CSMD1: variants seen among roughly 807,000 people sequenced by gnomAD.
CSMD1 encodes CUB and sushi domain-containing protein 1.
CSMD1 carries 213 observed loss-of-function variants against 417.5 expected under a neutral mutation model. That is an observed-to-expected ratio of 0.51 (90% confidence interval 0.46 to 0.57). CSMD1 has a LOEUF of 0.57. CSMD1 is among the 20% of genes least tolerant of loss of function. The pLI is 0.00. For missense variants in CSMD1, 6,923 were observed against 4,529.7 expected (o/e 1.53, Z -15.17); for synonymous variants, 2,862 against 1,736.8 (o/e 1.65, Z -16.11).
intron 3 of CSMD1, among the ~76,000 whole-genome samples, chr8:4,378,937 A>C (rs1370213685): frequency 2.0e-5 from 3 of 152,188 alleles, no homozygotes; most frequent in Non-Finnish European, 2.9e-5. Flanking sequence ...AATTGTGATA[A>C]ATTCCTATTA....
chr8:4,900,005 T>C (rs547556986), intron 1 of CSMD1, among the ~76,000 whole-genome samples: 5 of 152,296 alleles, frequency 3.3e-5, no homozygotes, highest in African/African-American at 1.2e-4. Flanking sequence ...TGTCTGTTGC[T>C]TTAATCTATT....
At chr8:4,758,686 C>G (rs1359437997) in intron 1 of CSMD1, among the ~76,000 whole-genome samples, 2 of 152,130 alleles carry the variant, frequency 1.3e-5, no homozygotes, top group South Asian at 2.1e-4. Flanking sequence ...GTGGACACAT[C>G]TTACATGGCA....
At chr8:4,230,303 A>C (rs1402903185) in intron 3 of CSMD1, among the ~76,000 whole-genome samples, 3 of 152,190 alleles carry the variant, frequency 2.0e-5, no homozygotes, top group African/African-American at 7.2e-5. Context: ...TTTAATCCTC[A>C]ATTAATCTAT....
chr8:4,105,379 G>A (rs1446251280), intron 3 of CSMD1, among the ~76,000 whole-genome samples: 1 of 151,976 alleles, frequency 6.6e-6, no homozygotes, highest in Non-Finnish European at 1.5e-5. Context: ...ATGTAACTAT[G>A]AATAAGAAGG....
chr8:4,050,783 G>A (rs1292076755), intron 3 of CSMD1, among the ~76,000 whole-genome samples: 1 of 152,064 alleles, frequency 6.6e-6, no homozygotes, highest in Admixed American at 6.5e-5. Flanking sequence ...ATAAAATTCA[G>A]AGTCCCTGAA....
intron 2 of CSMD1, among the ~76,000 whole-genome samples, chr8:4,553,599 T>C (rs1797964871): frequency 6.6e-6 from 1 of 152,200 alleles, no homozygotes; most frequent in Non-Finnish European, 1.5e-5. Flanking sequence ...ATTTTTGATC[T>C]AGCACTTTAG....
intron 54 of CSMD1, among the ~76,000 whole-genome samples, chr8:2,997,482 T>C (rs1434042793): frequency 6.6e-6 from 1 of 152,202 alleles, no homozygotes; most frequent in South Asian, 2.1e-4. Context: ...ACACCACCAA[T>C]AAGAGTGATG....
intron 3 of CSMD1, among the ~76,000 whole-genome samples, chr8:4,407,631 T>G (rs1796393334): frequency 6.6e-6 from 1 of 152,220 alleles, no homozygotes; most frequent in Non-Finnish European, 1.5e-5. Context: ...TGGAATTCAT[T>G]GTAAATACAA....
intron 68 of CSMD1, 104 bp from the exon 69 acceptor site, chr8:2,942,708 G>T (rs1801967534): frequency 2.4e-6 from 2 of 839,934 alleles, no homozygotes; most frequent in Non-Finnish European, 3.4e-6. Context: ...AGAAGCAGAC[G>T]GAGTTGCCAT....
chr8:3,850,686 C>T (rs1294243496), intron 5 of CSMD1, among the ~76,000 whole-genome samples: 4 of 151,976 alleles, frequency 2.6e-5, no homozygotes, highest in African/African-American at 9.7e-5. Context: ...CAGAGTGCGA[C>T]TCTGTCTCAA....
intron 5 of CSMD1, among the ~76,000 whole-genome samples, chr8:3,899,024 C>T (rs150168911): frequency 2.6e-5 from 4 of 152,026 alleles, no homozygotes; most frequent in African/African-American, 4.8e-5. Flanking sequence ...CCACAAAGGT[C>T]GTACGCGTCC....
chr8:4,751,419 G>A (rs1172802278), intron 1 of CSMD1, among the ~76,000 whole-genome samples: 5 of 152,020 alleles, frequency 3.3e-5, no homozygotes, highest in Non-Finnish European at 5.9e-5. Flanking sequence ...GGAAAAGAGA[G>A]CATCTCTATA....
intron 39 of CSMD1, among the ~76,000 whole-genome samples, chr8:3,156,249 T>C (rs1158862337): frequency 4.6e-5 from 7 of 152,224 alleles, no homozygotes; most frequent in Non-Finnish European, 1.0e-4. Flanking sequence ...AAATGGGTTC[T>C]GAGCACACCC....
At chr8:4,114,320 G>C (rs886895845) in intron 3 of CSMD1, among the ~76,000 whole-genome samples, 8 of 152,154 alleles carry the variant, frequency 5.3e-5, no homozygotes, top group African/African-American at 2.4e-5. Context: ...GTCTGGATGA[G>C]ACCACATCTG....
At chr8:3,217,700 T>C (rs1029885877) in intron 29 of CSMD1, among the ~76,000 whole-genome samples, 6 of 152,194 alleles carry the variant, frequency 3.9e-5, no homozygotes, top group African/African-American at 1.4e-4. Flanking sequence ...GATACTCTGA[T>C]TGCTAAATTG....
intron 1 of CSMD1, among the ~76,000 whole-genome samples, chr8:4,841,549 G>C (rs993904965): frequency 2.0e-5 from 3 of 152,080 alleles, no homozygotes; most frequent in Non-Finnish European, 1.5e-5. Flanking sequence ...TAAAACAAAG[G>C]TCAAATACAA....
At chr8:4,609,145 A>C (rs1465279507) in intron 2 of CSMD1, among the ~76,000 whole-genome samples, 1 of 152,180 alleles carries the variant, frequency 6.6e-6, no homozygotes, top group African/African-American at 2.4e-5. Flanking sequence ...CATGCATGTA[A>C]TCCCAGCACT....
chr8:4,415,207 A>G (rs1276759807), intron 3 of CSMD1, among the ~76,000 whole-genome samples: 7 of 152,120 alleles, frequency 4.6e-5, no homozygotes, highest in Middle Eastern at 3.2e-3. Context: ...GCTCAGGATC[A>G]TCCGCCTCCG....
intron 1 of CSMD1, among the ~76,000 whole-genome samples, chr8:4,906,924 A>T (rs994071602): frequency 6.6e-6 from 1 of 152,178 alleles, no homozygotes; most frequent in African/African-American, 2.4e-5. Flanking sequence ...TGACTATATT[A>T]GTAGGTATTT....
Sources: gnomAD v4.1 joint callset for allele counts (sites outside exome capture counted in the v4.1 genomes callset) on GRCh38, gnomAD v4.1.1 for gene constraint, MANE v1.5 for transcripts, NCBI Gene and HGNC (gene_info 2026-07-23, HGNC 2026-07-21) for gene names.